SH3KBP1: variants seen among roughly 807,000 people sequenced by gnomAD.
SH3KBP1 encodes the protein SH3 domain-containing kinase-binding protein 1.
Under a neutral mutation model 50.1 loss-of-function variants are expected in SH3KBP1, and 8 were observed. The ratio of observed to expected loss-of-function variants is 0.16; its 90% CI spans 0.09 to 0.29. SH3KBP1 has a LOEUF of 0.29. SH3KBP1 is among the 10% of genes least tolerant of loss of function. The pLI is 1.00. For missense variants in SH3KBP1, 377 were observed against 535.2 expected, an observed-to-expected ratio of 0.70 and a Z score of 2.92; for synonymous variants, 227 against 218.6, an observed-to-expected ratio of 1.04 and a Z score of -0.34.
intron 8 of SH3KBP1, among the ~76,000 whole-genome samples, chrX:19,631,507 A>AG (rs1000591116): frequency 4.4e-5 from 5 of 112,523 alleles, no homozygotes; most frequent in African/African-American, 1.6e-4. Context: ...CGTTTTAAAA[A>AG]AAAACTCCTC....
chrX:19,854,633 G>C lies in SH3KBP1; in HGVS notation c.5-18351C>G, dbSNP rs1199882165. On this transcript the variant is annotated intron_variant, in intron 1 of 17. Transcript: ENST00000397821. ...CCAGTCTTGATCCTGGAACTCAAAG[G>C]CCGCTTCAATATGGTACAGGTTTGA... is the stretch of plus-strand genomic sequence containing the variant. Among the ~76,000 whole-genome samples, 3 of 111,328 alleles carry C rather than the reference G, an allele frequency of 2.7e-5. No individual in the cohort carries two copies. The Admixed American group carries it at 2.9e-4, about 11-fold the overall frequency.
intron 4 of SH3KBP1, among the ~76,000 whole-genome samples, chrX:19,698,627 C>T (rs1217817367): frequency 1.8e-5 from 2 of 111,928 alleles, no homozygotes; most frequent in African/African-American, 3.3e-5. Flanking sequence ...TGAGCTGGAG[C>T]CCTTCATGGG....
At chrX:19,706,766 C>T (rs970523686) in intron 4 of SH3KBP1, 115 bp downstream of exon 4, 3 of 549,458 alleles carry the variant, frequency 5.5e-6, no homozygotes, top group Non-Finnish European at 8.9e-6. Context: ...TAGAGGATCC[C>T]TAACTTCAAG....
At chrX:19,843,218 C>T (rs912154358) in intron 1 of SH3KBP1, among the ~76,000 whole-genome samples, 103 of 108,878 alleles carry the variant, frequency 9.5e-4, no homozygotes, top group African/African-American at 3.3e-3. Flanking sequence ...AGGGGTTTCA[C>T]CATGTTGGTC....
At chrX:19,685,957 AT>A (rs1057093647) in intron 5 of SH3KBP1, among the ~76,000 whole-genome samples, 7 of 111,802 alleles carry the variant, frequency 6.3e-5, no homozygotes, top group Non-Finnish European at 1.1e-4. Flanking sequence ...ATCATTCACC[AT>A]TAGCTAGAAC....
intron 2 of SH3KBP1, among the ~76,000 whole-genome samples, chrX:19,747,971 G>T (rs1032847176): frequency 4.4e-5 from 5 of 112,565 alleles, no homozygotes; most frequent in African/African-American, 1.6e-4. Flanking sequence ...GGCATCAGGG[G>T]ACAATCTGCA....
At chrX:19,848,334 C>T (rs1158083644) in intron 1 of SH3KBP1, among the ~76,000 whole-genome samples, 2 of 111,817 alleles carry the variant, frequency 1.8e-5, no homozygotes, top group African/African-American at 3.3e-5. Flanking sequence ...CCTGAAGAGG[C>T]TCCCACTGGC....
intron 8 of SH3KBP1, among the ~76,000 whole-genome samples, chrX:19,609,111 G>A (rs1021227258): frequency 8.9e-6 from 1 of 112,653 alleles, no homozygotes; most frequent in African/African-American, 3.2e-5. Flanking sequence ...TAATGGCCTC[G>A]TGGTTCTCCT....
intron 8 of SH3KBP1, among the ~76,000 whole-genome samples, chrX:19,614,600 G>T (rs2067549663): frequency 8.9e-6 from 1 of 112,121 alleles, no homozygotes. Flanking sequence ...CAGGAAATCA[G>T]TGCTTTTACA....
At chrX:19,821,674 G>A (rs922520242) in intron 2 of SH3KBP1, among the ~76,000 whole-genome samples, 25 of 110,152 alleles carry the variant, frequency 2.3e-4, no homozygotes, top group Non-Finnish European at 4.0e-4. Flanking sequence ...GACTACAGGC[G>A]GCCGCCACTA....
At chrX:19,546,132 T>G in intron 14 of SH3KBP1, 82 bp from the exon 15 acceptor site, 1 of 1,063,159 alleles carries the variant, frequency 9.4e-7, no homozygotes, top group Non-Finnish European at 1.3e-6. Context: ...CTGTATGCTT[T>G]AAAAGCACTC....
intron 8 of SH3KBP1, among the ~76,000 whole-genome samples, chrX:19,610,113 A>C (rs965273496): frequency 8.9e-6 from 1 of 111,887 alleles, no homozygotes; most frequent in African/African-American, 3.3e-5. Flanking sequence ...AACAAAAAAA[A>C]CCAAAGACCC....
intron 3 of SH3KBP1, among the ~76,000 whole-genome samples, chrX:19,726,322 T>C (rs777427515): frequency 1.4e-4 from 16 of 111,573 alleles, no homozygotes; most frequent in Non-Finnish European, 2.3e-4. Flanking sequence ...TGGCCTTGGA[T>C]AGGTCTTATA....
At chrX:19,593,821 A>G (rs903581980) in intron 10 of SH3KBP1, among the ~76,000 whole-genome samples, 4 of 112,203 alleles carry the variant, frequency 3.6e-5, no homozygotes, top group Non-Finnish European at 7.5e-5. Flanking sequence ...AGGGGTCTTC[A>G]GAGAAAAGTA....
intron 2 of SH3KBP1, among the ~76,000 whole-genome samples, chrX:19,759,802 A>C (rs753973688): frequency 1.7e-4 from 19 of 111,649 alleles, no homozygotes; most frequent in Non-Finnish European, 3.4e-4. Context: ...AAAAGATCAA[A>C]TGCTAAACTG....
intron 17 of SH3KBP1, among the ~76,000 whole-genome samples, chrX:19,537,074 C>T (rs775795310): frequency 8.9e-6 from 1 of 111,895 alleles, no homozygotes; most frequent in East Asian, 2.8e-4. Flanking sequence ...CGAACATGGA[C>T]AGCTGTGGCC....
rs1360432300 is a variant in SH3KBP1 at position 19,621,949 on chromosome X, G to A, written c.897+9915C>T. Reference sequence around the variant, plus strand: ...AAATAAAAACACTGAAAGCCCTGAGGAAGGCAGAAAAAGAATGCATTTAAT... The same window carrying A: ...AAATAAAAACACTGAAAGCCCTGAGAAAGGCAGAAAAAGAATGCATTTAAT... On this transcript the variant is annotated intron_variant, in intron 8 of 17. Transcript: ENST00000397821. Among the ~76,000 whole-genome samples the A allele has an allele frequency of 2.7e-5, 3 of 112,281 alleles. No individual in the cohort carries two copies. The East Asian group carries it at 8.2e-4, about 31-fold the overall frequency.
At chrX:19,716,421 C>G (rs186526323) in intron 3 of SH3KBP1, among the ~76,000 whole-genome samples, 21 of 112,278 alleles carry the variant, frequency 1.9e-4, no homozygotes, top group African/African-American at 6.5e-4. Context: ...ATCAACATCT[C>G]TGCACCGCAG....
chrX:19,583,910 A>T (rs1922701944), intron 12 of SH3KBP1, among the ~76,000 whole-genome samples: 1 of 98,310 alleles, frequency 1.0e-5, no homozygotes, highest in Non-Finnish European at 2.0e-5. Flanking sequence ...TATATTTCTA[A>T]ATATATAAAT....
Sources: allele counts gnomAD v4.1 joint callset (sites outside exome capture counted in the v4.1 genomes callset), GRCh38; gene constraint gnomAD v4.1.1; transcripts MANE v1.5; gene names NCBI Gene and HGNC (gene_info 2026-07-23, HGNC 2026-07-21).